The following KCNH3 variants were observed in gnomAD, a reference collection of about 807,000 sequenced individuals.
The protein encoded by KCNH3 is voltage-gated inwardly rectifying potassium channel KCNH3.
KCNH3 carries 36 observed loss-of-function variants against 95.6 expected under a neutral mutation model. The observed-to-expected ratio is 0.38, with a 90% CI of 0.29 to 0.50. The LOEUF (loss-of-function observed/expected upper bound fraction) is 0.50. KCNH3 is among the 20% of genes least tolerant of loss of function. The pLI is 0.95. For missense variants in KCNH3, 1,030 were observed against 1,484.1 expected (o/e 0.69, Z 5.03); for synonymous variants, 620 against 646.3 (o/e 0.96, Z 0.62).
In KCNH3 at chr12:49,542,850, C is replaced by A; in HGVS notation, c.579+11C>A. The stretch of plus-strand genomic sequence containing the variant: ...CACAAGCTCAATAAGGTGGGCTCAG[C>A]CCTGGGATGTGTGGGAGAGGGGAGG... On this transcript the variant is annotated intron_variant, in intron 4 of 14. Coordinates refer to ENST00000257981, the MANE Select transcript of KCNH3 (RefSeq NM_012284.3). The A allele has an allele frequency of 6.2e-7, 1 of 1,604,482 alleles. No homozygotes were observed. Among genetic ancestry groups the A allele is most frequent in the Non-Finnish European group, 8.5e-7 (1 of 1,176,852 alleles).
At chr12:49,546,993 C>T (rs1036069767) in intron 7 of KCNH3, among the ~76,000 whole-genome samples, 7 of 152,162 alleles carry the variant, frequency 4.6e-5, no homozygotes, top group African/African-American at 1.4e-4. Flanking sequence ...CTCCTGTGTT[C>T]AAGCAATTCT....
In KCNH3 at chr12:49,544,177, C is replaced by T. The variant is rs1173521610; in HGVS notation, c.984C>T (p.Tyr328=). 4.3e-6 allele frequency: 4 copies of T among 932,892 alleles called. No homozygotes were observed. Among genetic ancestry groups the T allele is most frequent in the East Asian group, 5.3e-5 (1 of 19,008 alleles). 57.8% of individuals were successfully genotyped at this position (932,892 alleles called of 1,614,324 possible). A position where few individuals can be genotyped will look rare whatever the true frequency, so the allele number is the denominator to read the frequency against. The change falls in exon 7 of 15, where the codon TAC becomes TAT. Residue 328 remains tyrosine, a splice_region_variant and synonymous_variant. Transcript: ENST00000257981. Reference sequence around the variant, plus strand: ...CTCCCTCCCTCCCCGCATCTCAGTACTTCGGGGCCCATCTGCTGAAGACGG... The same window carrying T: ...CTCCCTCCCTCCCCGCATCTCAGTATTTCGGGGCCCATCTGCTGAAGACGG... ...DLLHAFKVNV[Y]FGAHLLKTVR... is the part of the protein sequence containing the mutation.
In KCNH3 at chr12:49,543,932, C is replaced by T. The variant is rs1378968477; in HGVS notation, c.841C>T (p.Arg281Cys). The T allele has an allele frequency of 1.2e-6, 2 of 1,609,906 alleles. No homozygotes were observed. Among genetic ancestry groups the T allele is most frequent in the Non-Finnish European group, 1.7e-6 (2 of 1,176,426 alleles). The part of the protein sequence containing the change: ...LFILDIVLNF[R>C]TTFVSKSGQV... ...CCCCACAGACATTGTGCTGAATTTC[C>T]GTACCACATTCGTGTCCAAGTCGGG... is the stretch of plus-strand genomic sequence containing the variant. Residue 281 changes from arginine (R) to cysteine (C), a missense_variant, in exon 6 of 15, where the codon CGT (arginine) becomes TGT (cysteine). Transcript: ENST00000257981.
chr12:49,544,606 C>T (rs1361325000), intron 7 of KCNH3, among the ~76,000 whole-genome samples: 1 of 152,162 alleles, frequency 6.6e-6, no homozygotes, highest in Non-Finnish European at 1.5e-5. Context: ...CCCAGTCGCC[C>T]ATCCAGGCCT....
chr12:49,541,482 C>T, intron 2 of KCNH3, 148 bp from the exon 3 acceptor site: 2 of 915,290 alleles, frequency 2.2e-6, no homozygotes, highest in African/African-American at 1.7e-5. Flanking sequence ...CAAGCCCTGC[C>T]TTCAGTGAAA....
intron 7 of KCNH3, among the ~76,000 whole-genome samples, chr12:49,548,057 C>G (rs1350242420): frequency 6.6e-6 from 1 of 152,006 alleles, no homozygotes; most frequent in Non-Finnish European, 1.5e-5. Context: ...GAGGGGCAAT[C>G]CAGCCTCTGC....
intron 7 of KCNH3, among the ~76,000 whole-genome samples, chr12:49,548,141 C>T (rs530383723): frequency 3.4e-5 from 5 of 145,730 alleles, no homozygotes; most frequent in African/African-American, 1.0e-4. Context: ...TGTGCGCGCG[C>T]ACCTGTGTGA....
At chr12:49,553,185 G>C (rs1938322410) in intron 10 of KCNH3, among the ~76,000 whole-genome samples, 1 of 152,098 alleles carries the variant, frequency 6.6e-6, no homozygotes, top group African/African-American at 2.4e-5. Context: ...GCCCAGGCTG[G>C]AGTGCAGTGG....
Position 49,557,676 on chromosome 12 carries a change from C to T in KCNH3, c.2975C>T (p.Ala992Val), listed in dbSNP as rs1383840027. 1.7e-5 allele frequency: 27 copies of T among 1,613,714 alleles called. No individual in the cohort carries two copies. In the East Asian group the frequency reaches 6.0e-4, roughly 36 times the overall value. Reference sequence around the variant, plus strand: ...AGCTCCCCCTGGCCTCGAGCCACAGCTTTCTGGACCTCCACCTCAGACTCA... The same window carrying T: ...AGCTCCCCCTGGCCTCGAGCCACAGTTTTCTGGACCTCCACCTCAGACTCA... ...SQSSPWPRAT[A>V]FWTSTSDSEP... Residue 992 changes from alanine to valine, a missense_variant, in exon 15 of 15, where the codon GCT (alanine) becomes GTT (valine). Transcript: ENST00000257981.
chr12:49,540,616 AT>A (rs1466636935), intron 1 of KCNH3, among the ~76,000 whole-genome samples: 1 of 152,108 alleles, frequency 6.6e-6, no homozygotes, highest in Non-Finnish European at 1.5e-5. Flanking sequence ...CTTACCCCAC[AT>A]TGCTCAGGAC....
At chr12:49,556,895 C>G (rs1322102724) in intron 13 of KCNH3, 8 of 609,802 alleles carry the variant, frequency 1.3e-5, no homozygotes, top group Non-Finnish European at 2.1e-5. Flanking sequence ...TAATGAGCTC[C>G]TAGGAATGTC....
chr12:49,542,588 C>T (rs895293367), intron 3 of KCNH3, 118 bp from the exon 4 acceptor site: 5 of 1,229,944 alleles, frequency 4.1e-6, no homozygotes, highest in East Asian at 5.1e-5. Context: ...TCTAAACATT[C>T]TAAGTGGTCA....
intron 7 of KCNH3, among the ~76,000 whole-genome samples, chr12:49,547,716 G>A (rs559938812): frequency 2.0e-5 from 3 of 152,276 alleles, no homozygotes; most frequent in African/African-American, 7.2e-5. Flanking sequence ...AAGTGTTGGG[G>A]AGAGTCTGGA....
chr12:49,548,797 A>G, intron 7 of KCNH3, 98 bp from the exon 8 acceptor site: 1 of 1,292,630 alleles, frequency 7.7e-7, no homozygotes, highest in South Asian at 1.5e-5. Context: ...GCGGGAAGCC[A>G]TGGGGCTGGG....
chr12:49,554,416 G>A lies in KCNH3; in HGVS notation c.1998G>A (p.Thr666=), dbSNP rs745400129. The change falls in exon 11 of 15, where the codon ACG becomes ACA. Residue 666 remains threonine (T), a synonymous_variant. Transcript: ENST00000257981. ...VKANADVKGL[T]YCVLQCLQLA... is the part of the protein sequence containing the mutation. ...CCAATGCCGACGTGAAGGGGCTGAC[G>A]TACTGCGTCCTGCAGTGTCTGCAGC... is the stretch of plus-strand genomic sequence containing the variant. 35 of 1,613,050 alleles carry A rather than the reference G, an allele frequency of 2.2e-5. No individual in the cohort carries two copies. Among genetic ancestry groups the A allele is most frequent in the Middle Eastern group, 1.6e-4 (1 of 6,084 alleles).
intron 7 of KCNH3, among the ~76,000 whole-genome samples, chr12:49,547,145 G>A (rs559052799): frequency 2.6e-5 from 4 of 151,926 alleles, no homozygotes; most frequent in South Asian, 2.1e-4. Flanking sequence ...TGCCCACCTC[G>A]ACCTCCCAAA....
At chr12:49,551,449 A>G (rs889411720) in intron 10 of KCNH3, among the ~76,000 whole-genome samples, 1 of 151,918 alleles carries the variant, frequency 6.6e-6, no homozygotes, top group African/African-American at 2.4e-5. Context: ...GGTGGTGGAC[A>G]CCTGTAATCC....
chr12:49,552,770 GACAAGAAGC>G, intron 10 of KCNH3, among the ~76,000 whole-genome samples: 1 of 152,308 alleles, frequency 6.6e-6, no homozygotes, highest in East Asian at 1.9e-4. Context: ...CTTAGATGAA[GACAAGAAGC>G]ACGTGCTTAT....
intron 2 of KCNH3, 58 bp downstream of exon 2, chr12:49,541,190 A>G: frequency 7.8e-7 from 1 of 1,282,052 alleles, no homozygotes; most frequent in Non-Finnish European, 1.1e-6. Context: ...GCCTGGCACC[A>G]GCCCCATCCA....
Sources: allele counts gnomAD v4.1 joint callset (sites outside exome capture counted in the v4.1 genomes callset), GRCh38; gene constraint gnomAD v4.1.1; transcripts MANE v1.5; gene names NCBI Gene and HGNC (gene_info 2026-07-23, HGNC 2026-07-21).